DDX31: variants seen among roughly 807,000 people sequenced by gnomAD.
DDX31 encodes the protein ATP-dependent DNA helicase DDX31.
Under a neutral mutation model 91.3 loss-of-function variants are expected in DDX31, and 70 were observed. That is an observed-to-expected ratio of 0.77 (90% CI 0.63 to 0.94). DDX31 has a LOEUF of 0.94. Ranked by LOEUF, DDX31 falls within the 40% of genes least tolerant of loss-of-function variation. The probability of loss-of-function intolerance (pLI) is 0.00; values close to 1 mark genes in which losing one functional copy is unlikely to be tolerated. For synonymous variants in DDX31, 362 were observed against 350.6 expected (o/e 1.03, Z -0.36); for missense variants, 902 against 925.0 (o/e 0.98, Z 0.32).
At position 132,594,890 on chromosome 9, in the gene DDX31, G is replaced by T; in HGVS notation, c.2217C>A (p.Asp739Glu). ...TTTAAACTTTCTGGGAAGTCTTGCT[G>T]TCCCGCTGTACACCTTTTTGGGTTT... ...WRKTQKGVQR[D>E]SKTSQKV Residue 739 changes from aspartate to glutamate, a missense_variant, in exon 20 of 20, where the codon GAC becomes GAA. Physicochemically the swap from Asp to Glu is conservative, Grantham distance 45. Transcript: ENST00000372159. 1 of 1,613,820 alleles carries T rather than the reference G, an allele frequency of 6.2e-7. No individual in the cohort carries two copies. The highest frequency in any genetic ancestry group is 1.1e-5 in the South Asian group (1 of 91,064).
At chr9:132,648,880 C>T (rs1834004989) in intron 9 of DDX31, among the ~76,000 whole-genome samples, 1 of 152,174 alleles carries the variant, frequency 6.6e-6, no homozygotes. Context: ...CTAGCCTGTT[C>T]TCGAAGGTTT....
Position 132,594,831 on chromosome 9 carries a change from G to C in DDX31, c.*35C>G. On this transcript the variant is annotated 3_prime_UTR_variant, in exon 20 of 20. Transcript: ENST00000372159. The stretch of plus-strand genomic sequence containing the variant: ...TGGACATCAATCCACTGCCACCCGG[G>C]GCTTCCAGGTTCCACTCGAAGACCC... 1.2e-6 allele frequency: 2 copies of C among 1,604,810 alleles called. No individual in the cohort carries two copies. The highest frequency in any genetic ancestry group is 1.7e-6 in the Non-Finnish European group (2 of 1,174,548).
chr9:132,642,135 T>G, intron 13 of DDX31, 72 bp from the exon 14 acceptor site: 2 of 1,361,456 alleles, frequency 1.5e-6, no homozygotes, highest in Non-Finnish European at 2.1e-6. Flanking sequence ...TACATCTCCC[T>G]AGCTCTCTCC....
chr9:132,627,231 A>G (rs982726186), intron 16 of DDX31, among the ~76,000 whole-genome samples: 4 of 152,220 alleles, frequency 2.6e-5, no homozygotes, highest in African/African-American at 9.6e-5. Flanking sequence ...TATGCCACAG[A>G]ACAGTAAGGC....
At chr9:132,652,577 T>C in intron 6 of DDX31, 85 bp from the exon 7 acceptor site, 2 of 1,530,652 alleles carry the variant, frequency 1.3e-6, no homozygotes, top group East Asian at 2.3e-5. Flanking sequence ...TGGCCGGTTG[T>C]AGAACATCAG....
At chr9:132,623,321 G>C (rs1401246772) in intron 17 of DDX31, among the ~76,000 whole-genome samples, 1 of 151,736 alleles carries the variant, frequency 6.6e-6, no homozygotes, top group Non-Finnish European at 1.5e-5. Context: ...ACTTTGGGAG[G>C]CTGAGGCGGG....
rs367917125 is a variant in DDX31, at chr9:132,658,044, T to C, written c.588+627A>G. 192 of 410,816 alleles carry C rather than the reference T, an allele frequency of 4.7e-4. 3 individuals carry two copies. In the South Asian group the frequency reaches 0.016, roughly 33 times the overall value. The allele number at this position is 410,816 out of a possible 1,614,324, so 25.4% of individuals were successfully genotyped here. ...CATTGGAACTTAGAAGGTTAAAATA[T>C]AATGCTTTATATACAACACAGACTC... On this transcript the variant is annotated intron_variant, in intron 6 of 19. Transcript: ENST00000372159.
At chr9:132,600,672 G>A (rs905888056) in intron 19 of DDX31, among the ~76,000 whole-genome samples, 7 of 152,214 alleles carry the variant, frequency 4.6e-5, no homozygotes, top group Admixed American at 1.3e-4. Context: ...AGAAATGGAT[G>A]GGAACTTTGA....
chr9:132,659,639 G>A (rs1352912084), intron 5 of DDX31, 71 bp downstream of exon 5: 41 of 1,481,640 alleles, frequency 2.8e-5, no homozygotes, highest in Middle Eastern at 1.8e-4. Context: ...CCCAGACACC[G>A]CATGGCAAAA....
chr9:132,634,578 C>G (rs1832980755), intron 14 of DDX31, among the ~76,000 whole-genome samples: 1 of 143,394 alleles, frequency 7.0e-6, no homozygotes, highest in Admixed American at 7.4e-5. Context: ...CCAACTGTAC[C>G]TAAGATGTTT....
rs1300528300 is a variant in DDX31, at chr9:132,646,946, A to T, written c.1080T>A (p.Pro360=). ...TGTCCAGCTTGTCGCCAGCTGGTGG[A>T]GGACAGACCTCCTGGACCGCTTTGT... ...PKDKAVQEVC[P]PPAGDKLDSF... The change falls in exon 12 of 20, where the codon CCT becomes CCA. Residue 360 remains proline (P), a synonymous_variant. Coordinates refer to ENST00000372159, the MANE Select transcript of DDX31 (RefSeq NM_022779.9). 3.1e-6 allele frequency: 5 copies of T among 1,614,196 alleles called. No homozygotes were observed. The highest frequency in any genetic ancestry group is 4.2e-6 in the Non-Finnish European group (5 of 1,180,032).
At chr9:132,649,081 T>C (rs1307713608) in intron 9 of DDX31, among the ~76,000 whole-genome samples, 1 of 152,212 alleles carries the variant, frequency 6.6e-6, no homozygotes, top group African/African-American at 2.4e-5. Context: ...CAGTCCACCG[T>C]AATAAAAGCT....
chr9:132,597,651 G>C (rs189133347), intron 19 of DDX31, among the ~76,000 whole-genome samples: 1 of 152,188 alleles, frequency 6.6e-6, no homozygotes, highest in Non-Finnish European at 1.5e-5. Context: ...CGGGCTGCGG[G>C]AGCATCTTCC....
At chr9:132,601,111 C>A (rs575937308) in intron 19 of DDX31, among the ~76,000 whole-genome samples, 1 of 152,330 alleles carries the variant, frequency 6.6e-6, no homozygotes, top group East Asian at 1.9e-4. Flanking sequence ...CCCAGCCCCA[C>A]ACCCCAGAGC....
At chr9:132,604,872 C>T (rs10901192) in intron 19 of DDX31, among the ~76,000 whole-genome samples, 22,884 of 152,160 alleles carry the variant, frequency 0.15, 2,207 homozygotes, top group East Asian at 0.42. Flanking sequence ...GGAGGCCCCA[C>T]TCCTGAGCCT....
intron 18 of DDX31, among the ~76,000 whole-genome samples, chr9:132,612,991 T>C (rs1589985006): frequency 6.6e-6 from 1 of 152,210 alleles, no homozygotes; most frequent in East Asian, 1.9e-4. Context: ...TACCTCACTG[T>C]AGCCTCAAGC....
chr9:132,610,585 A>C (rs1831266577), intron 19 of DDX31, among the ~76,000 whole-genome samples: 1 of 151,688 alleles, frequency 6.6e-6, no homozygotes, highest in Non-Finnish European at 1.5e-5. Flanking sequence ...AAGAACCTTC[A>C]TCTGCAGGGC....
At chr9:132,622,968 T>C (rs141486376) in intron 17 of DDX31, among the ~76,000 whole-genome samples, 2,553 of 151,974 alleles carry the variant, frequency 0.017, 74 homozygotes, top group African/African-American at 0.058. Flanking sequence ...CCGTCTCTAC[T>C]AAAAATACAA....
At chr9:132,621,204 T>C (rs1233628771) in intron 17 of DDX31, among the ~76,000 whole-genome samples, 1 of 152,190 alleles carries the variant, frequency 6.6e-6, no homozygotes, top group Non-Finnish European at 1.5e-5. Context: ...ACTATTTTTA[T>C]TATAAAAAGT....
Sources: gnomAD v4.1 joint callset for allele counts (sites outside exome capture counted in the v4.1 genomes callset) on GRCh38, gnomAD v4.1.1 for gene constraint, MANE v1.5 for transcripts, NCBI Gene and HGNC (gene_info 2026-07-23, HGNC 2026-07-21) for gene names.